C22orf39: variants seen among roughly 807,000 people sequenced by gnomAD.
The protein encoded by C22orf39 is chromosome 22 open reading frame 39, also known as synaptic plasticity regulator PANTS.
In C22orf39, 20 loss-of-function variants were observed where a neutral mutation model predicts 18.3. The ratio of observed to expected loss-of-function variants is 1.09; its 90% CI spans 0.77 to 1.59. The LOEUF (loss-of-function observed/expected upper bound fraction) is 1.59, where lower values mean the gene tolerates loss of function less well. Among genes scored for constraint, C22orf39 ranks in the 40% most tolerant of loss-of-function variants. The pLI is 0.00. For missense variants in C22orf39, 195 were observed against 156.1 expected, an observed-to-expected ratio of 1.25 and a Z score of -1.33; for synonymous variants, 63 against 59.6, an observed-to-expected ratio of 1.06 and a Z score of -0.26.
Position 19,444,131 on chromosome 22 carries a change from TG to T in C22orf39, c.*133del, listed in dbSNP as rs1362834570. 5.0e-6 allele frequency: 7 copies of T among 1,396,540 alleles called. No homozygotes were observed. The African/African-American group carries it at 9.0e-5, about 18-fold the overall frequency. The allele number at this position is 1,396,540 out of a possible 1,614,324, so 86.5% of individuals were successfully genotyped here. A position where few individuals can be genotyped will look rare whatever the true frequency, so the allele number is the denominator to read the frequency against. ...TGGGCAAGTAGGGCTAGCAATGTCC[TG>T]CTCCATGTTCCTGTGAGCAAGAGCT... On this transcript the variant is annotated 3_prime_UTR_variant, in exon 3 of 3. Transcript: ENST00000399562.
rs199635608 is a variant in C22orf39, at chr22:19,447,669, C to A, written c.20G>T (p.Trp7Leu). ...GCTCCGACCCAGCACACTCACCTGC[C>A]AGCCGCTGCCGTCCGCCATGTCTGG... MADGSG[W>L]QPPRPCEAYR... The change falls in exon 1 of 3, where the codon TGG (tryptophan) becomes TTG (leucine). Residue 7 changes from tryptophan to leucine, a missense_variant. Coordinates refer to ENST00000399562, the MANE Select transcript of C22orf39 (RefSeq NM_173793.5). 1 of 1,611,068 alleles carries A rather than the reference C, an allele frequency of 6.2e-7. No individual in the cohort carries two copies. Among genetic ancestry groups the A allele is most frequent in the African/African-American group, 1.3e-5 (1 of 74,848 alleles).
chr22:19,442,335 T>A lies in C22orf39; in HGVS notation c.*1930A>T, dbSNP rs774653314. 1 of 152,466 alleles carries A rather than the reference T, an allele frequency of 6.6e-6. No individual in the cohort carries two copies. The highest frequency in any genetic ancestry group is 2.4e-5 in the African/African-American group (1 of 41,446). 9.4% of individuals were successfully genotyped at this position (152,466 alleles called of 1,614,324 possible). The stretch of plus-strand genomic sequence containing the variant: ...TAGTGAAGGAGGAGGCAAAACATGA[T>A]AGTCACACTACAGAGGCAGGACTTA... On this transcript the variant is annotated 3_prime_UTR_variant, in exon 3 of 3. Coordinates refer to ENST00000399562, the MANE Select transcript of C22orf39 (RefSeq NM_173793.5).
Position 19,447,519 on chromosome 22 carries a change from G to C in C22orf39, c.51C>G (p.Arg17=). The change falls in exon 2 of 3, where the codon CGC becomes CGG. Residue 17 remains arginine, a synonymous_variant. Transcript: ENST00000399562. ...CGCTGCGGCAGAGCTTCCACTCGGC[G>C]CGGTAGGCCTCGCAGGGGCGCGGCG... ...WQPPRPCEAY[R]AEWKLCRSAR... The C allele has an allele frequency of 6.8e-7, 1 of 1,481,086 alleles. No individual in the cohort carries two copies. The allele number at this position is 1,481,086 out of a possible 1,614,324, so 91.7% of individuals were successfully genotyped here. A position where few individuals can be genotyped will look rare whatever the true frequency, so the allele number is the denominator to read the frequency against.
intron 2 of C22orf39, among the ~76,000 whole-genome samples, chr22:19,445,429 A>G (rs928036465): frequency 7.9e-5 from 12 of 152,232 alleles, no homozygotes; most frequent in African/African-American, 2.9e-4. Flanking sequence ...CAGCTTTTGC[A>G]GTATCAAAAA....
rs766944817 is a variant in C22orf39, at chr22:19,447,693, G to C, written c.-5C>G. ...CCAGCCGCTGCCGTCCGCCATGTCT[G>C]GGCGACCGGCGCGCCAAGCCCGCCC... On this transcript the variant is annotated 5_prime_UTR_variant, in exon 1 of 3. Transcript: ENST00000399562. 7.5e-6 allele frequency: 12 copies of C among 1,609,380 alleles called. No individual in the cohort carries two copies. The highest frequency in any genetic ancestry group is 4.0e-5 in the African/African-American group (3 of 74,744).
In C22orf39 at chr22:19,444,188, TCA is replaced by T. The variant is rs999267876; in HGVS notation, c.*75_*76del. ...GGACCCACCAGACTGTGTAGGCTGG[TCA>T]CAGTCCCCAGGGCTGTGCAACAGCA... is the stretch of plus-strand genomic sequence containing the variant. On this transcript the variant is annotated 3_prime_UTR_variant, in exon 3 of 3. Coordinates refer to ENST00000399562, the MANE Select transcript of C22orf39 (RefSeq NM_173793.5). The T allele has an allele frequency of 5.5e-6, 8 of 1,464,844 alleles. No individual in the cohort carries two copies. The highest frequency in any genetic ancestry group is 7.2e-6 in the Non-Finnish European group (8 of 1,116,184). 90.7% of individuals were successfully genotyped at this position (1,464,844 alleles called of 1,614,324 possible).
intron 2 of C22orf39, among the ~76,000 whole-genome samples, chr22:19,446,194 T>C (rs2089638321): frequency 1.3e-5 from 2 of 152,174 alleles, no homozygotes; most frequent in South Asian, 2.1e-4. Context: ...ATATTTCTTA[T>C]TGATATATAT....
chr22:19,444,825 G>A (rs1203910658), intron 2 of C22orf39, among the ~76,000 whole-genome samples: 1 of 152,064 alleles, frequency 6.6e-6, no homozygotes, highest in African/African-American at 2.4e-5. Context: ...AGGAAGACGG[G>A]GAAGAAATAC....
Position 19,447,385 on chromosome 22 carries a change from T to C in C22orf39, c.185A>G (p.Glu62Gly), listed in dbSNP as rs2089647308. The C allele has an allele frequency of 1.3e-6, 2 of 1,499,954 alleles. No homozygotes were observed. Among genetic ancestry groups the C allele is most frequent in the African/African-American group, 2.9e-5 (2 of 68,870 alleles). The allele number at this position is 1,499,954 out of a possible 1,614,324, so 92.9% of individuals were successfully genotyped here. A position where few individuals can be genotyped will look rare whatever the true frequency, so the allele number is the denominator to read the frequency against. ...CRDWEERRNA[E>G]AQQSLCESER... ...CGCTCCCTCCCGGCGCACCTGGGCC[T>C]CGGCGTTCCGGCGCTCCTCCCAGTC... Residue 62 changes from glutamate (E) to glycine (G), a missense_variant, in exon 2 of 3, where the codon GAG (glutamate) becomes GGG (glycine). Physicochemically the swap from Glu to Gly is moderately conservative, Grantham distance 98. Transcript: ENST00000399562.
At chr22:19,444,995 G>C (rs1177404245) in intron 2 of C22orf39, among the ~76,000 whole-genome samples, 1 of 152,194 alleles carries the variant, frequency 6.6e-6, no homozygotes, top group African/African-American at 2.4e-5. Context: ...TTTGCTGTCA[G>C]CCCTTGGTAG....
Position 19,441,862 on chromosome 22 carries a change from A to G in C22orf39, c.*2403T>C. Reference sequence around the variant, plus strand: ...GGTTGAAGTGCAGTGGGGCACAATCATGGCTCACTGCAGCCTCAAACTCCT... The same window carrying G: ...GGTTGAAGTGCAGTGGGGCACAATCGTGGCTCACTGCAGCCTCAAACTCCT... On this transcript the variant is annotated 3_prime_UTR_variant, in exon 3 of 3. Coordinates refer to ENST00000399562, the MANE Select transcript of C22orf39 (RefSeq NM_173793.5). 3 of 787,442 alleles carry G rather than the reference A, an allele frequency of 3.8e-6. No individual in the cohort carries two copies. Among genetic ancestry groups the G allele is most frequent in the Non-Finnish European group, 5.8e-6 (3 of 518,428 alleles). 48.8% of individuals were successfully genotyped at this position (787,442 alleles called of 1,614,324 possible). A position where few individuals can be genotyped will look rare whatever the true frequency, so the allele number is the denominator to read the frequency against.
chr22:19,447,286 G>C, intron 2 of C22orf39, 92 bp downstream of exon 2: 1 of 1,299,230 alleles, frequency 7.7e-7, no homozygotes, highest in Non-Finnish European at 9.9e-7. Context: ...GTCAGTCCCC[G>C]GCTAGGTCGC....
rs369983280 is a variant in C22orf39 at position 19,444,368 on chromosome 22, C to T, written c.215G>A (p.Arg72Gln). ...CTTCCGTGCAGCCCGGACTCGTGCC[C>T]GCTCGCTCTCACAGAGGGATTGCTG... ...EAQQSLCESE[R>Q]ARVRAARKHI... is the part of the protein sequence containing the mutation. Residue 72 changes from arginine (R) to glutamine (Q), a missense_variant, in exon 3 of 3, where the codon CGG becomes CAG. Transcript: ENST00000399562. 3.2e-5 allele frequency: 51 copies of T among 1,601,044 alleles called. No individual in the cohort carries two copies. The highest frequency in any genetic ancestry group is 3.3e-4 in the Middle Eastern group (2 of 6,068).
rs977741947 is a variant in C22orf39, at chr22:19,443,472, G to C, written c.*793C>G. 9.1e-6 allele frequency: 9 copies of C among 985,664 alleles called. No individual in the cohort carries two copies. The Admixed American group carries it at 4.9e-4, about 54-fold the overall frequency. The allele number at this position is 985,664 out of a possible 1,614,324, so 61.1% of individuals were successfully genotyped here. A position where few individuals can be genotyped will look rare whatever the true frequency, so the allele number is the denominator to read the frequency against. ...CACTGTTACACACAAAATCTAACAA[G>C]TGTGAACTTAATTTTCAGCTTCTAT... On this transcript the variant is annotated 3_prime_UTR_variant, in exon 3 of 3. Transcript: ENST00000399562.
intron 2 of C22orf39, among the ~76,000 whole-genome samples, chr22:19,446,993 C>T (rs2089643898): frequency 6.6e-6 from 1 of 152,166 alleles, no homozygotes; most frequent in African/African-American, 2.4e-5. Context: ...CATCCACCTA[C>T]CCTCTGCTTC....
At chr22:19,445,196 C>A (rs1311635055) in intron 2 of C22orf39, among the ~76,000 whole-genome samples, 3 of 152,158 alleles carry the variant, frequency 2.0e-5, no homozygotes, top group Non-Finnish European at 4.4e-5. Flanking sequence ...TCCCTGATAT[C>A]TTTTTTTGGT....
At position 19,441,434 on chromosome 22, in the gene C22orf39, C is replaced by G; in HGVS notation, c.*2831G>C. 1 of 527,036 alleles carries G rather than the reference C, an allele frequency of 1.9e-6. No individual in the cohort carries two copies. Among genetic ancestry groups the G allele is most frequent in the Non-Finnish European group, 3.3e-6 (1 of 299,566 alleles). 32.6% of individuals were successfully genotyped at this position (527,036 alleles called of 1,614,324 possible). Reference sequence around the variant, plus strand: ...TACGGATACATATTGTTTTGTATTTCAACAATAATATGCTATATATAACAG... The same window carrying G: ...TACGGATACATATTGTTTTGTATTTGAACAATAATATGCTATATATAACAG... On this transcript the variant is annotated 3_prime_UTR_variant, in exon 3 of 3. Coordinates refer to ENST00000399562, the MANE Select transcript of C22orf39 (RefSeq NM_173793.5).
At position 19,444,133 on chromosome 22, in the gene C22orf39, C is replaced by T; in HGVS notation, c.*132G>A. 1 of 1,398,596 alleles carries T rather than the reference C, an allele frequency of 7.2e-7. No individual in the cohort carries two copies. Among genetic ancestry groups the T allele is most frequent in the South Asian group, 1.7e-5 (1 of 58,086 alleles). The allele number at this position is 1,398,596 out of a possible 1,614,324, so 86.6% of individuals were successfully genotyped here. A position where few individuals can be genotyped will look rare whatever the true frequency, so the allele number is the denominator to read the frequency against. ...GGCAAGTAGGGCTAGCAATGTCCTG[C>T]TCCATGTTCCTGTGAGCAAGAGCTC... On this transcript the variant is annotated 3_prime_UTR_variant, in exon 3 of 3. Coordinates refer to ENST00000399562, the MANE Select transcript of C22orf39 (RefSeq NM_173793.5).
chr22:19,443,067 C>G lies in C22orf39; in HGVS notation c.*1198G>C, dbSNP rs889891226. On this transcript the variant is annotated 3_prime_UTR_variant, in exon 3 of 3. Transcript: ENST00000399562. ...CTTTAGATGCTCCTGCTCTTGGGAT[C>G]CCGTGAGCACAACCCCCACCCCCAC... The G allele has an allele frequency of 1.1e-6, 1 of 913,840 alleles. No homozygotes were observed. Among genetic ancestry groups the G allele is most frequent in the African/African-American group, 1.8e-5 (1 of 55,434 alleles). The allele number at this position is 913,840 out of a possible 1,614,324, so 56.6% of individuals were successfully genotyped here.
Sources: gnomAD v4.1 joint callset for allele counts (sites outside exome capture counted in the v4.1 genomes callset) on GRCh38, gnomAD v4.1.1 for gene constraint, MANE v1.5 for transcripts, NCBI Gene and HGNC (gene_info 2026-07-23, HGNC 2026-07-21) for gene names.